Variants in NUDCD1 observed in about 807,000 individuals in gnomAD.
The protein encoded by NUDCD1 is nudC domain-containing protein 1.
A neutral mutation model predicts 67.8 loss-of-function variants in NUDCD1; 60 were observed. The observed-to-expected ratio is 0.88, with a 90% CI of 0.72 to 1.10. The LOEUF is 1.10. Ranked by LOEUF, NUDCD1 falls within the 50% of genes least tolerant of loss-of-function variation. The pLI is 0.00. For missense variants in NUDCD1, 643 were observed against 695.0 expected (o/e 0.93, Z 0.84); for synonymous variants, 244 against 230.8 (o/e 1.06, Z -0.52).
At chr8:109,260,132 C>CA (rs1234195192) in intron 8 of NUDCD1, among the ~76,000 whole-genome samples, 3 of 152,108 alleles carry the variant, frequency 2.0e-5, no homozygotes, top group Non-Finnish European at 4.4e-5. Context: ...CAATATTAAC[C>CA]AAAAACAGCC....
intron 2 of NUDCD1, among the ~76,000 whole-genome samples, chr8:109,309,494 A>G (rs1478467716): frequency 6.6e-6 from 1 of 152,222 alleles, no homozygotes; most frequent in African/African-American, 2.4e-5. Context: ...ACAAACCCAC[A>G]GCCAACATAA....
intron 7 of NUDCD1, among the ~76,000 whole-genome samples, chr8:109,271,864 C>T (rs935962021): frequency 3.3e-5 from 5 of 151,602 alleles, no homozygotes; most frequent in Non-Finnish European, 5.9e-5. Context: ...CTATGTAGGC[C>T]GGAATACAAT....
intron 2 of NUDCD1, among the ~76,000 whole-genome samples, chr8:109,303,569 T>C (rs1013672358): frequency 1.3e-5 from 2 of 152,220 alleles, no homozygotes; most frequent in South Asian, 2.1e-4. Flanking sequence ...CCTTATTAGG[T>C]TGAGACATTT....
At chr8:109,268,231 G>A (rs191588116) in intron 8 of NUDCD1, among the ~76,000 whole-genome samples, 1 of 152,138 alleles carries the variant, frequency 6.6e-6, no homozygotes, top group East Asian at 1.9e-4. Flanking sequence ...ACATTTGATT[G>A]GTAAATGTAA....
intron 1 of NUDCD1, among the ~76,000 whole-genome samples, chr8:109,328,615 C>T (rs1458082275): frequency 6.6e-6 from 1 of 152,104 alleles, no homozygotes; most frequent in African/African-American, 2.4e-5. Context: ...ATGGAGAAAA[C>T]CCTTAATTTG....
chr8:109,321,845 A>AATCT (rs1224941337), intron 2 of NUDCD1, among the ~76,000 whole-genome samples: 3 of 152,188 alleles, frequency 2.0e-5, no homozygotes, highest in Non-Finnish European at 4.4e-5. Context: ...AGAAGATTTC[A>AATCT]AGACAAAAAA....
chr8:109,259,163 T>C (rs992080857), intron 8 of NUDCD1, among the ~76,000 whole-genome samples: 3 of 152,214 alleles, frequency 2.0e-5, no homozygotes, highest in Non-Finnish European at 2.9e-5. Context: ...TAGGAAGATA[T>C]AGCATCTCTT....
intron 5 of NUDCD1, among the ~76,000 whole-genome samples, chr8:109,284,439 T>C (rs2129997053): frequency 6.6e-6 from 1 of 152,162 alleles, no homozygotes; most frequent in South Asian, 2.1e-4. Flanking sequence ...CTAACAGACA[T>C]CTACAGAATA....
intron 7 of NUDCD1, among the ~76,000 whole-genome samples, chr8:109,272,158 C>T (rs6993565): frequency 0.024 from 3,698 of 152,028 alleles, 140 homozygotes; most frequent in African/African-American, 0.084. Context: ...CTGTTTTTCA[C>T]ATTTTTAATC....
At chr8:109,327,814 CAAAT>C (rs1815713930) in intron 1 of NUDCD1, among the ~76,000 whole-genome samples, 1 of 152,138 alleles carries the variant, frequency 6.6e-6, no homozygotes, top group African/African-American at 2.4e-5. Context: ...GCAAAATAAA[CAAAT>C]AAAAAAGGCT....
Position 109,296,430 on chromosome 8 carries a change from A to G in NUDCD1, c.413T>C (p.Val138Ala). The G allele has an allele frequency of 6.2e-7, 1 of 1,613,720 alleles. No individual in the cohort carries two copies. The highest frequency in any genetic ancestry group is 8.5e-7 in the Non-Finnish European group (1 of 1,179,724). ...ATTTCCACGTTCACCTGTTCCAATG[A>G]CATACAATCTTCCAGTTCCATCTGA... ...TLSDGTGRLY[V>A]IGTGERGNSA... The change falls in exon 3 of 10, where the codon GTC becomes GCC. Residue 138 changes from valine to alanine, a missense_variant. Coordinates refer to ENST00000239690, the MANE Select transcript of NUDCD1 (RefSeq NM_032869.4).
At chr8:109,319,824 G>C (rs1815490544) in intron 2 of NUDCD1, among the ~76,000 whole-genome samples, 1 of 152,120 alleles carries the variant, frequency 6.6e-6, no homozygotes, top group Non-Finnish European at 1.5e-5. Context: ...TATTCACCTA[G>C]GTTCTTTTCT....
At chr8:109,308,988 A>G (rs937663500) in intron 2 of NUDCD1, among the ~76,000 whole-genome samples, 6 of 141,214 alleles carry the variant, frequency 4.2e-5, no homozygotes, top group African/African-American at 1.6e-4. Context: ...AAAAAAAAAA[A>G]GTCCGGGACC....
At chr8:109,333,506 T>C (rs1815865465) in intron 1 of NUDCD1, among the ~76,000 whole-genome samples, 2 of 151,924 alleles carry the variant, frequency 1.3e-5, no homozygotes, top group Admixed American at 6.6e-5. Context: ...CAAGGAGGTG[T>C]GGTTTCTCAA....
intron 8 of NUDCD1, among the ~76,000 whole-genome samples, chr8:109,269,615 A>G (rs1355942629): frequency 1.3e-5 from 2 of 152,124 alleles, no homozygotes; most frequent in African/African-American, 4.8e-5. Flanking sequence ...TGACAAAGAA[A>G]CATCAGGGCA....
At chr8:109,263,698 T>C (rs571040811) in intron 8 of NUDCD1, among the ~76,000 whole-genome samples, 1 of 152,228 alleles carries the variant, frequency 6.6e-6, no homozygotes, top group South Asian at 2.1e-4. Context: ...CAAAGTATGA[T>C]ATGCAGAACC....
At chr8:109,307,696 A>T (rs145098831) in intron 2 of NUDCD1, among the ~76,000 whole-genome samples, 4,958 of 152,340 alleles carry the variant, frequency 0.033, 101 homozygotes, top group Middle Eastern at 0.11. Context: ...ACAGAATTGC[A>T]GAATGGATAA....
chr8:109,262,419 C>T (rs1289589993), intron 8 of NUDCD1, among the ~76,000 whole-genome samples: 3 of 152,180 alleles, frequency 2.0e-5, no homozygotes, highest in African/African-American at 7.2e-5. Context: ...CAAACCAGTT[C>T]CTATTGTTGG....
chr8:109,305,453 T>C (rs1348871913), intron 2 of NUDCD1, among the ~76,000 whole-genome samples: 1 of 152,130 alleles, frequency 6.6e-6, no homozygotes, highest in Non-Finnish European at 1.5e-5. Context: ...TCAGGAAAAG[T>C]AGAACGGACT....
Sources: gnomAD v4.1 joint callset for allele counts (sites outside exome capture counted in the v4.1 genomes callset) on GRCh38, gnomAD v4.1.1 for gene constraint, MANE v1.5 for transcripts, NCBI Gene and HGNC (gene_info 2026-07-23, HGNC 2026-07-21) for gene names.